The following PPA2 variants were observed in gnomAD, a reference collection of about 807,000 sequenced individuals.
PPA2 encodes inorganic pyrophosphatase 2, mitochondrial.
A neutral mutation model predicts 49.5 loss-of-function variants in PPA2; 48 were observed. The ratio of observed to expected loss-of-function variants is 0.97; its 90% CI spans 0.77 to 1.23. The LOEUF is 1.23. Among genes scored for constraint, PPA2 ranks in the 50% most tolerant of loss-of-function variants. PPA2 has a pLI of 0.00. For missense variants in PPA2, 429 were observed against 410.1 expected, an observed-to-expected ratio of 1.05 and a Z score of -0.40; for synonymous variants, 131 against 139.9, an observed-to-expected ratio of 0.94 and a Z score of 0.45.
intron 7 of PPA2, among the ~76,000 whole-genome samples, chr4:105,413,216 AAC>A (rs1375140852): frequency 6.6e-6 from 1 of 152,146 alleles, no homozygotes; most frequent in Non-Finnish European, 1.5e-5. Flanking sequence ...ATTCTGAGCA[AAC>A]TATCACAGGG....
chr4:105,473,989 C>G lies in PPA2; in HGVS notation c.62G>C (p.Gly21Ala), dbSNP rs1723653942. 3.1e-6 allele frequency: 5 copies of G among 1,608,878 alleles called. No homozygotes were observed. The highest frequency in any genetic ancestry group is 4.2e-6 in the Non-Finnish European group (5 of 1,177,996). ...GCGCGACCCGGTCCCTGCACTGGTC[C>G]CCAACCGCAGGCACGCAGCGGCTGG... is the stretch of plus-strand genomic sequence containing the variant. ...GAPAAACLRL[G>A]TSAGTGSRRA... The change falls in exon 1 of 12, where the codon GGG becomes GCG. Residue 21 changes from glycine (G) to alanine (A), a missense_variant. By Grantham distance (60) the Gly-to-Ala change is moderately conservative. Coordinates refer to ENST00000341695, the MANE Select transcript of PPA2 (RefSeq NM_176869.3).
intron 6 of PPA2, among the ~76,000 whole-genome samples, chr4:105,428,385 A>T (rs1455524374): frequency 6.6e-6 from 1 of 152,200 alleles, no homozygotes; most frequent in Non-Finnish European, 1.5e-5. Context: ...AAATGCCCCA[A>T]TTAAAAGACA....
At position 105,372,320 on chromosome 4, in the gene PPA2, G is replaced by A. The variant is rs116563388; in HGVS notation, c.940-1447C>T. On this transcript the variant is annotated intron_variant, in intron 10 of 11. Coordinates refer to ENST00000341695, the MANE Select transcript of PPA2 (RefSeq NM_176869.3). ...ACGGTGAGATATGTGACTGAATAAC[G>A]GCCAAGTATGACCCTCCAAAAAGCA... Among the ~76,000 whole-genome samples the A allele has an allele frequency of 9.8e-3, 1,488 of 152,212 alleles. 19 individuals carry two copies. Among genetic ancestry groups the A allele is most frequent in the African/African-American group, 0.033 (1,386 of 41,490 alleles).
At chr4:105,405,366 T>A in intron 7 of PPA2, 1 of 766,774 alleles carries the variant, frequency 1.3e-6, no homozygotes, top group Non-Finnish European at 1.6e-6. Context: ...CTAAATGAAT[T>A]TGTAATTAAT....
chr4:105,369,595 G>A lies in PPA2; in HGVS notation c.*130C>T, dbSNP rs1732940752. The A allele has an allele frequency of 5.2e-6, 4 of 764,030 alleles. No individual in the cohort carries two copies. The highest frequency in any genetic ancestry group is 8.9e-6 in the Non-Finnish European group (4 of 449,662). 47.3% of individuals were successfully genotyped at this position (764,030 alleles called of 1,614,324 possible). On this transcript the variant is annotated 3_prime_UTR_variant, in exon 12 of 12. Coordinates refer to ENST00000341695, the MANE Select transcript of PPA2 (RefSeq NM_176869.3). ...AATTCTTACTGTTTATTTATATATT[G>A]CATAGCTCAAAAAGTTTGAAAAAAT... is the stretch of plus-strand genomic sequence containing the variant.
chr4:105,443,384 T>C (rs990078100), intron 5 of PPA2, among the ~76,000 whole-genome samples: 1 of 134,306 alleles, frequency 7.4e-6, no homozygotes, highest in South Asian at 2.3e-4. Flanking sequence ...AAAAGATAAA[T>C]GGGACCAGGG....
At chr4:105,454,387 G>T (rs1267471898) in intron 2 of PPA2, among the ~76,000 whole-genome samples, 1 of 152,070 alleles carries the variant, frequency 6.6e-6, no homozygotes, top group East Asian at 1.9e-4. Context: ...GTGGAGTGCA[G>T]TGGCGCAATC....
chr4:105,441,963 A>T (rs1724387580), intron 5 of PPA2, among the ~76,000 whole-genome samples: 1 of 151,342 alleles, frequency 6.6e-6, no homozygotes, highest in Non-Finnish European at 1.5e-5. Context: ...CAGCATTCCT[A>T]TCACAAGTCG....
intron 10 of PPA2, among the ~76,000 whole-genome samples, chr4:105,377,516 G>GA (rs1375089652): frequency 3.2e-4 from 48 of 151,220 alleles, no homozygotes; most frequent in African/African-American, 1.1e-3. Flanking sequence ...TCTGACTTCA[G>GA]AAAAAAAAAT....
chr4:105,406,244 G>A, intron 7 of PPA2, among the ~76,000 whole-genome samples: 1 of 151,020 alleles, frequency 6.6e-6, no homozygotes, highest in African/African-American at 2.4e-5. Context: ...TAGATTAACA[G>A]AAATTATCCA....
chr4:105,405,833 G>A (rs575830146), intron 7 of PPA2: 20 of 462,044 alleles, frequency 4.3e-5, no homozygotes, highest in Admixed American at 1.4e-4. Flanking sequence ...CTGCATCCAG[G>A]GGCACACAGG....
rs1183178826 is a variant in PPA2 at position 105,376,247 on chromosome 4, GC to G, written c.940-5375del. Among the ~76,000 whole-genome samples the G allele has an allele frequency of 7.2e-5, 11 of 152,278 alleles. No individual in the cohort carries two copies. The East Asian group carries it at 1.9e-3, about 27-fold the overall frequency. On this transcript the variant is annotated intron_variant, in intron 10 of 11. Transcript: ENST00000341695. The stretch of plus-strand genomic sequence containing the variant: ...CACTGGGATTCACTTTATGGCCTTG[GC>G]CTCCTGAATGCACTGCTTTTTACAA...
intron 9 of PPA2, among the ~76,000 whole-genome samples, chr4:105,393,547 T>C (rs1734013995): frequency 6.9e-6 from 1 of 145,566 alleles, no homozygotes; most frequent in African/African-American, 2.5e-5. Context: ...AATATGGTTC[T>C]TAAGCAGAGA....
At chr4:105,451,078 C>A (rs947416331) in intron 3 of PPA2, among the ~76,000 whole-genome samples, 2 of 152,002 alleles carry the variant, frequency 1.3e-5, no homozygotes, top group Admixed American at 6.6e-5. Context: ...CCAGCTTCAA[C>A]CAATTAAAAA....
At chr4:105,437,823 G>T (rs1296010932) in intron 6 of PPA2, 127 bp downstream of exon 6, 2 of 642,746 alleles carry the variant, frequency 3.1e-6, no homozygotes, top group Non-Finnish European at 2.6e-6. Flanking sequence ...ATAAAAGGAG[G>T]GACTGATAAC....
chr4:105,385,880 T>C (rs1012735495), intron 10 of PPA2, among the ~76,000 whole-genome samples: 8 of 47,966 alleles, frequency 1.7e-4, no homozygotes, highest in Non-Finnish European at 3.6e-4. Context: ...TTATTTTCAA[T>C]TTTTTTTTTT....
intron 7 of PPA2, among the ~76,000 whole-genome samples, chr4:105,408,838 TCAA>T (rs1161967373): frequency 6.6e-6 from 1 of 152,128 alleles, no homozygotes; most frequent in Non-Finnish European, 1.5e-5. Flanking sequence ...GAAACATATA[TCAA>T]CAACTGATGT....
chr4:105,424,128 CT>C, intron 7 of PPA2, 67 bp downstream of exon 7: 1 of 1,526,444 alleles, frequency 6.6e-7, no homozygotes, highest in Non-Finnish European at 8.8e-7. Context: ...ATGTGAACTT[CT>C]TTTAAGTTCT....
At chr4:105,385,854 A>C (rs1034596562) in intron 10 of PPA2, among the ~76,000 whole-genome samples, 1 of 151,476 alleles carries the variant, frequency 6.6e-6, no homozygotes, top group South Asian at 2.1e-4. Flanking sequence ...CTTAAGCTGA[A>C]AAACATAATT....
Sources: gnomAD v4.1 joint callset for allele counts (sites outside exome capture counted in the v4.1 genomes callset) on GRCh38, gnomAD v4.1.1 for gene constraint, MANE v1.5 for transcripts, NCBI Gene and HGNC (gene_info 2026-07-23, HGNC 2026-07-21) for gene names.